Variants in CELA3B observed in about 807,000 individuals in gnomAD.
CELA3B encodes the protein chymotrypsin-like elastase family member 3B.
Under a neutral mutation model 37.2 loss-of-function variants are expected in CELA3B, and 34 were observed. That is an observed-to-expected ratio of 0.91 (90% CI 0.70 to 1.22). The LOEUF (loss-of-function observed/expected upper bound fraction) is 1.22, where lower values mean the gene tolerates loss of function less well. CELA3B is among the 50% of genes most tolerant of loss of function. CELA3B has a pLI of 0.00. For missense variants in CELA3B, 340 were observed against 363.1 expected (o/e 0.94, Z 0.52); for synonymous variants, 127 against 143.5 (o/e 0.89, Z 0.82).
intron 4 of CELA3B, among the ~76,000 whole-genome samples, chr1:21,982,335 C>G (rs372916887): frequency 7.9e-4 from 120 of 152,176 alleles, no homozygotes; most frequent in African/African-American, 2.7e-3. Context: ...TGGCCAGGCA[C>G]GGTAATCCCA....
chr1:21,979,448 CTTTTCTT>C (rs1219424597), intron 2 of CELA3B, among the ~76,000 whole-genome samples: 65 of 108,602 alleles, frequency 6.0e-4, no homozygotes, highest in Non-Finnish European at 9.2e-4. Flanking sequence ...CTTTTCTTTT[CTTTTCTT>C]TTTTTTTTTT....
In CELA3B at chr1:21,981,049, C is replaced by G. The variant is rs199652584; in HGVS notation, c.239C>G (p.Thr80Ser). 6.2e-7 allele frequency: 1 copy of G among 1,614,104 alleles called. No individual in the cohort carries two copies. The highest frequency in any genetic ancestry group is 2.2e-5 in the East Asian group (1 of 44,874). ...ACCTCCGCCCGCAGGAGCTCCCGGA[C>G]CTACCAGGTGGTGTTGGGCGAGTAC... The part of the protein sequence containing the change: ...TAGHCISSSR[T>S]YQVVLGEYDR... Residue 80 changes from threonine to serine, a missense_variant, in exon 4 of 8, where the codon ACC becomes AGC. Transcript: ENST00000337107.
chr1:21,987,525 G>T (rs1032997836), intron 7 of CELA3B: 3 of 151,292 alleles, frequency 2.0e-5, no homozygotes, highest in African/African-American at 7.4e-5. Context: ...TACTTGGGAG[G>T]CTGAGGCAGG....
At chr1:21,992,386 A>G (rs559434792), downstream of CELA3B, among the ~76,000 whole-genome samples, 2 of 151,972 alleles carry the variant, frequency 1.3e-5, no homozygotes, top group Admixed American at 6.5e-5. Flanking sequence ...CCTGGACAAC[A>G]TAGTGAGACC....
At chr1:21,987,239 G>A (rs1644844466) in intron 7 of CELA3B, among the ~76,000 whole-genome samples, 1 of 151,486 alleles carries the variant, frequency 6.6e-6, no homozygotes. Flanking sequence ...TGGATCACAA[G>A]GTCAGGAGTT....
At chr1:21,988,203 C>G (rs1644850450) in intron 7 of CELA3B, among the ~76,000 whole-genome samples, 1 of 149,954 alleles carries the variant, frequency 6.7e-6, no homozygotes, top group Admixed American at 6.6e-5. Flanking sequence ...CAGAGCAAGA[C>G]TCCATCTCAA....
intron 2 of CELA3B, among the ~76,000 whole-genome samples, chr1:21,980,462 A>C (rs4412569): frequency 6.6e-6 from 1 of 151,424 alleles, no homozygotes; most frequent in Non-Finnish European, 1.5e-5. Flanking sequence ...CCTGGGGAAC[A>C]AGAGCAAAAC....
chr1:21,982,299 T>A (rs1644810293), intron 4 of CELA3B, among the ~76,000 whole-genome samples: 1 of 152,104 alleles, frequency 6.6e-6, no homozygotes, highest in East Asian at 1.9e-4. Context: ...CAGCATCACC[T>A]GGGAACCTGC....
chr1:21,982,360 C>G (rs111795157), intron 4 of CELA3B, among the ~76,000 whole-genome samples: 1 of 151,936 alleles, frequency 6.6e-6, no homozygotes, highest in Non-Finnish European at 1.5e-5. Context: ...TGCCGGAGGC[C>G]GAGGTGGGTG....
chr1:21,988,948 CAT>C (rs562650842), intron 7 of CELA3B, among the ~76,000 whole-genome samples: 1,578 of 144,350 alleles, frequency 0.011, no homozygotes, highest in African/African-American at 0.039. Flanking sequence ...TACATACATA[CAT>C]ATATATACAC....
At chr1:21,981,728 C>CT (rs68050914) in intron 4 of CELA3B, among the ~76,000 whole-genome samples, 38 of 146,538 alleles carry the variant, frequency 2.6e-4, no homozygotes, top group African/African-American at 5.3e-4. Flanking sequence ...ACAAAAAATT[C>CT]TTTTTTTTTT....
chr1:21,980,728 C>T (rs1644798900), intron 2 of CELA3B, 96 bp from the exon 3 acceptor site: 8 of 871,566 alleles, frequency 9.2e-6, no homozygotes, highest in Non-Finnish European at 1.3e-5. Flanking sequence ...GAATGGCGCC[C>T]TCTAGAGTTG....
In CELA3B at chr1:21,979,745, T is replaced by A. The variant is rs1569835201; in HGVS notation, c.130-1079T>A. Among the ~76,000 whole-genome samples, 3 of 151,432 alleles carry A rather than the reference T, an allele frequency of 2.0e-5. No homozygotes were observed. In the South Asian group the frequency reaches 6.3e-4, roughly 32 times the overall value. On this transcript the variant is annotated intron_variant, in intron 2 of 7. Transcript: ENST00000337107. ...CTGGGATTATAGGCGTGAGCCACCA[T>A]GCTTGGCCTGCTTGCCACATTTCAA...
At chr1:21,994,766 G>A (rs1247396414) in intron 4 of CELA3B, among the ~76,000 whole-genome samples, 2 of 150,930 alleles carry the variant, frequency 1.3e-5, no homozygotes, top group Non-Finnish European at 1.5e-5. Context: ...TTGGTAGGCC[G>A]AGTCAGGCAG....
chr1:21,985,595 G>GAA (rs35792634), intron 6 of CELA3B, among the ~76,000 whole-genome samples: 67 of 143,202 alleles, frequency 4.7e-4, no homozygotes, highest in Admixed American at 7.6e-4. Flanking sequence ...GTCTGTTAAA[G>GAA]AAAAAAAAAA....
intron 7 of CELA3B, chr1:21,987,856 A>G (rs1439804759): frequency 2.0e-5 from 3 of 151,556 alleles, no homozygotes; most frequent in African/African-American, 7.3e-5. Flanking sequence ...TTGGAATGAT[A>G]TAGAGATTAG....
At chr1:21,980,403 C>T (rs956084296) in intron 2 of CELA3B, among the ~76,000 whole-genome samples, 7 of 152,242 alleles carry the variant, frequency 4.6e-5, no homozygotes, top group African/African-American at 1.4e-4. Flanking sequence ...CGCTTGAACC[C>T]GGGAGGCGGA....
Position 21,983,824 on chromosome 1 carries a change from C to A in CELA3B, c.493C>A (p.Leu165Ile). ...CTGCTACATCACCGGCTGGGGCCGT[C>A]TCTATAGTACGTGCTGACTTCTCTA... The part of the protein sequence containing the change: ...TPCYITGWGR[L>I]YTNGPLPDKL... The change falls in exon 5 of 8, where the codon CTC (leucine) becomes ATC (isoleucine). Residue 165 changes from leucine (L) to isoleucine (I), a missense_variant. By Grantham distance (5) the Leu-to-Ile change is conservative. Transcript: ENST00000337107. The A allele has an allele frequency of 6.2e-7, 1 of 1,614,010 alleles. No individual in the cohort carries two copies. Among genetic ancestry groups the A allele is most frequent in the Non-Finnish European group, 8.5e-7 (1 of 1,179,972 alleles).
rs944702351 is a variant in CELA3B at position 21,984,111 on chromosome 1, G to A, written c.500-78G>A. Reference sequence around the variant, plus strand: ...CCTCATCAGAGCAGAAGAACTGTGCGCCTTGGATGCCCCCTTCCTCTGGGG... The same window carrying A: ...CCTCATCAGAGCAGAAGAACTGTGCACCTTGGATGCCCCCTTCCTCTGGGG... On this transcript the variant is annotated intron_variant, in intron 5 of 7. Transcript: ENST00000337107. 19 of 1,519,186 alleles carry A rather than the reference G, an allele frequency of 1.3e-5. No individual in the cohort carries two copies. The Admixed American group carries it at 1.5e-4, about 12-fold the overall frequency. 94.1% of individuals were successfully genotyped at this position (1,519,186 alleles called of 1,614,324 possible). A position where few individuals can be genotyped will look rare whatever the true frequency, so the allele number is the denominator to read the frequency against.
Sources: allele counts gnomAD v4.1 joint callset (sites outside exome capture counted in the v4.1 genomes callset), GRCh38; gene constraint gnomAD v4.1.1; transcripts MANE v1.5; gene names NCBI Gene and HGNC (gene_info 2026-07-23, HGNC 2026-07-21).